Variants in GALNT13 observed in about 807,000 individuals in gnomAD.
GALNT13 encodes polypeptide N-acetylgalactosaminyltransferase 13, also known as UDP-GalNAc:polypeptide N-acetylgalactosaminyltransferase 13.
In GALNT13, 28 loss-of-function variants were observed where a neutral mutation model predicts 64.2. The ratio of observed to expected loss-of-function variants is 0.44; its 90% CI spans 0.32 to 0.60. The LOEUF is 0.60. GALNT13 is among the 20% of genes least tolerant of loss of function. The pLI is 0.05. For missense variants in GALNT13, 577 were observed against 669.8 expected (o/e 0.86, Z 1.53); for synonymous variants, 214 against 224.6 (o/e 0.95, Z 0.42).
chr2:154,414,760 G>A (rs1235746934), intron 11 of GALNT13, among the ~76,000 whole-genome samples: 1 of 151,584 alleles, frequency 6.6e-6, no homozygotes, highest in Non-Finnish European at 1.5e-5. Context: ...CATGCATTTT[G>A]CAAACATTTT....
chr2:153,774,208 CATCATAAATACTAA>C, the GALNT13 span, among the ~76,000 whole-genome samples: 5 of 151,916 alleles, frequency 3.3e-5, no homozygotes, highest in African/African-American at 4.8e-5. Flanking sequence ...AAATGTAATA[CATCATAAATACTAA>C]ATCATAAATA....
At chr2:153,302,644 G>A in the GALNT13 span, among the ~76,000 whole-genome samples, 1 of 152,144 alleles carries the variant, frequency 6.6e-6, no homozygotes, top group Non-Finnish European at 1.5e-5. Context: ...CCAATGTCAT[G>A]GAAATTTTCC....
the GALNT13 span, among the ~76,000 whole-genome samples, chr2:153,583,203 A>C: frequency 6.6e-6 from 1 of 152,216 alleles, no homozygotes; most frequent in Non-Finnish European, 1.5e-5. Context: ...AGGAATAAAT[A>C]AGCTTTTAAG....
chr2:153,879,538 ATTT>A (rs35455789), intron 1 of GALNT13, among the ~76,000 whole-genome samples: 1 of 146,322 alleles, frequency 6.8e-6, no homozygotes, highest in African/African-American at 2.5e-5. Flanking sequence ...CTAATTTTTA[ATTT>A]TTTTTTTTTT....
chr2:153,851,443 G>A, the GALNT13 span, among the ~76,000 whole-genome samples: 3 of 151,964 alleles, frequency 2.0e-5, no homozygotes, highest in Non-Finnish European at 1.5e-5. Flanking sequence ...GCATTTTCCT[G>A]TAATCCCTAT....
the GALNT13 span, among the ~76,000 whole-genome samples, chr2:153,123,223 C>T: frequency 6.6e-6 from 1 of 152,102 alleles, no homozygotes; most frequent in Non-Finnish European, 1.5e-5. Flanking sequence ...CCACTAGATG[C>T]TAGGAAGAGG....
At chr2:154,058,871 A>G (rs1306598539) in intron 3 of GALNT13, among the ~76,000 whole-genome samples, 1 of 152,218 alleles carries the variant, frequency 6.6e-6, no homozygotes, top group African/African-American at 2.4e-5. Flanking sequence ...AGGGTAATGT[A>G]GTGAAGGGAT....
At chr2:154,393,969 T>A (rs2105357792) in intron 9 of GALNT13, among the ~76,000 whole-genome samples, 1 of 141,750 alleles carries the variant, frequency 7.1e-6, no homozygotes, top group South Asian at 2.3e-4. Context: ...TCCCAGCTAC[T>A]TGGGAGGCTG....
the GALNT13 span, among the ~76,000 whole-genome samples, chr2:153,348,625 A>G: frequency 6.6e-6 from 1 of 152,252 alleles, no homozygotes; most frequent in African/African-American, 2.4e-5. Flanking sequence ...TATTTTGGAA[A>G]AACATATAGA....
chr2:153,157,749 A>C, the GALNT13 span, among the ~76,000 whole-genome samples: 1 of 152,198 alleles, frequency 6.6e-6, no homozygotes, highest in South Asian at 2.1e-4. Context: ...CCAAAACTTT[A>C]AAATAACTAG....
At chr2:153,890,992 C>T (rs1687514965) in intron 1 of GALNT13, among the ~76,000 whole-genome samples, 1 of 151,988 alleles carries the variant, frequency 6.6e-6, no homozygotes, top group Non-Finnish European at 1.5e-5. Flanking sequence ...ATTGTTGGTA[C>T]ATATAATTTT....
At chr2:154,028,312 A>G (rs1247496677) in intron 3 of GALNT13, among the ~76,000 whole-genome samples, 1 of 152,104 alleles carries the variant, frequency 6.6e-6, no homozygotes, top group Non-Finnish European at 1.5e-5. Context: ...TGATAAATTT[A>G]TTCTTCACAA....
At chr2:154,404,133 A>C (rs780899269) in intron 10 of GALNT13, among the ~76,000 whole-genome samples, 1 of 152,092 alleles carries the variant, frequency 6.6e-6, no homozygotes, top group Non-Finnish European at 1.5e-5. Flanking sequence ...TTCAGTTCCT[A>C]TTTTGTATCC....
the GALNT13 span, among the ~76,000 whole-genome samples, chr2:153,803,685 C>G: frequency 1.1e-5 from 1 of 93,130 alleles, no homozygotes; most frequent in Non-Finnish European, 2.1e-5. Flanking sequence ...GATCGAGACT[C>G]TGTCTCAAAA....
the GALNT13 span, among the ~76,000 whole-genome samples, chr2:153,793,567 T>G: frequency 6.6e-6 from 1 of 151,994 alleles, no homozygotes; most frequent in African/African-American, 2.4e-5. Flanking sequence ...CTCTCACTTC[T>G]GAAATCAAAG....
chr2:153,632,996 A>G, the GALNT13 span, among the ~76,000 whole-genome samples: 13 of 152,006 alleles, frequency 8.6e-5, 1 homozygote, highest in African/African-American at 2.2e-4. Context: ...CCTGACCTCA[A>G]TTAATCCACC....
At chr2:154,348,290 G>A (rs560464161) in intron 9 of GALNT13, among the ~76,000 whole-genome samples, 1 of 152,124 alleles carries the variant, frequency 6.6e-6, no homozygotes, top group South Asian at 2.1e-4. Flanking sequence ...AGAGTGGGAA[G>A]AACCTACCCA....
chr2:153,119,874 C>T, the GALNT13 span, among the ~76,000 whole-genome samples: 27 of 152,156 alleles, frequency 1.8e-4, no homozygotes, highest in Non-Finnish European at 3.8e-4. Context: ...ACGTGTTCTA[C>T]GTTTTCTGGC....
chr2:154,381,739 G>C (rs1254156706), intron 9 of GALNT13, among the ~76,000 whole-genome samples: 1 of 152,022 alleles, frequency 6.6e-6, no homozygotes, highest in East Asian at 1.9e-4. Context: ...ATGTGTGAAA[G>C]GTCATTTTCT....
Sources: allele counts gnomAD v4.1 joint callset (sites outside exome capture counted in the v4.1 genomes callset), GRCh38; gene constraint gnomAD v4.1.1; transcripts MANE v1.5; gene names NCBI Gene and HGNC (gene_info 2026-07-23, HGNC 2026-07-21).